The following POLA2 variants were observed in gnomAD, a reference collection of about 807,000 sequenced individuals.
POLA2 encodes the protein DNA polymerase alpha 2, accessory subunit, also known as DNA polymerase alpha subunit B.
Under a neutral mutation model 82.8 loss-of-function variants are expected in POLA2, and 47 were observed. The observed-to-expected ratio is 0.57, with a 90% CI of 0.45 to 0.72. POLA2 has a LOEUF of 0.72. Ranked by LOEUF, POLA2 falls within the 30% of genes least tolerant of loss-of-function variation. The probability of loss-of-function intolerance (pLI) is 0.00; values close to 1 mark genes in which losing one functional copy is unlikely to be tolerated. For missense variants in POLA2, 634 were observed against 728.1 expected (o/e 0.87, Z 1.49); for synonymous variants, 287 against 286.8 (o/e 1.00, Z -0.01).
In POLA2 at chr11:65,264,952, C is replaced by G. The variant is rs184015968; in HGVS notation, c.80-1630C>G. Among the ~76,000 whole-genome samples, 582 of 152,322 alleles carry G rather than the reference C, an allele frequency of 3.8e-3. 4 individuals carry two copies. The highest frequency in any genetic ancestry group is 6.1e-3 in the Non-Finnish European group (414 of 68,028). The stretch of plus-strand genomic sequence containing the variant: ...TACAGCAGACCTCAAAAGGGTCGGC[C>G]GGGTGCGGTGGCTCACGCCTGTAAT... On this transcript the variant is annotated intron_variant, in intron 1 of 17. Coordinates refer to ENST00000265465, the MANE Select transcript of POLA2 (RefSeq NM_002689.4).
chr11:65,289,986 C>T (rs1022745751), intron 13 of POLA2, 114 bp downstream of exon 13: 4 of 660,314 alleles, frequency 6.1e-6, no homozygotes. Flanking sequence ...CAGTGGATCA[C>T]ACCTGTAATC....
chr11:65,292,402 C>T lies in POLA2; in HGVS notation c.1245-1751C>T, dbSNP rs147690116. 1.1e-4 allele frequency among the ~76,000 whole-genome samples: 17 copies of T among 152,322 alleles called. No homozygotes were observed. The East Asian group carries it at 2.7e-3, about 24-fold the overall frequency. The stretch of plus-strand genomic sequence containing the variant: ...TTTTTCTGATCCCTCCTTCTATAGG[C>T]GCTTTCTAACCATGAGCAGGAAGGC... On this transcript the variant is annotated intron_variant, in intron 13 of 17. Coordinates refer to ENST00000265465, the MANE Select transcript of POLA2 (RefSeq NM_002689.4).
intron 4 of POLA2, among the ~76,000 whole-genome samples, chr11:65,269,444 G>A (rs1479406140): frequency 6.7e-6 from 1 of 150,244 alleles, no homozygotes; most frequent in African/African-American, 2.5e-5. Context: ...CCGAGATCGC[G>A]CTACTGCACT....
intron 12 of POLA2, among the ~76,000 whole-genome samples, chr11:65,289,325 T>G (rs188642421): frequency 2.0e-5 from 3 of 152,352 alleles, no homozygotes; most frequent in Admixed American, 2.0e-4. Context: ...CTAATGTTCC[T>G]TTGTTTGTGA....
chr11:65,269,954 C>T (rs1366388934), intron 4 of POLA2, among the ~76,000 whole-genome samples: 4 of 152,186 alleles, frequency 2.6e-5, no homozygotes, highest in Non-Finnish European at 5.9e-5. Flanking sequence ...GCCTCAGCCT[C>T]CTGAGTAGCT....
chr11:65,275,187 C>T (rs1052549938), intron 4 of POLA2, among the ~76,000 whole-genome samples: 1 of 152,062 alleles, frequency 6.6e-6, no homozygotes, highest in Non-Finnish European at 1.5e-5. Context: ...AACTTGCAGC[C>T]AGGAGGAGCC....
At chr11:65,278,964 C>G (rs1374944357) in intron 6 of POLA2, 41 bp downstream of exon 6, 1 of 1,568,496 alleles carries the variant, frequency 6.4e-7, no homozygotes, top group South Asian at 1.1e-5. Flanking sequence ...GATATAAAAC[C>G]ACCTAGAAGG....
chr11:65,268,770 AT>A (rs772150611), intron 4 of POLA2, 41 bp downstream of exon 4: 1 of 1,286,874 alleles, frequency 7.8e-7, no homozygotes, highest in Non-Finnish European at 1.1e-6. Flanking sequence ...TACAAGTAAC[AT>A]TTTAAAATAG....
chr11:65,262,594 A>G (rs1380732923), intron 1 of POLA2, among the ~76,000 whole-genome samples: 1 of 152,066 alleles, frequency 6.6e-6, no homozygotes, highest in Non-Finnish European at 1.5e-5. Context: ...AAAAATAGGA[A>G]TATGCAGCAC....
At chr11:65,295,797 G>A in intron 16 of POLA2, 67 bp from the exon 17 acceptor site, 2 of 1,570,940 alleles carry the variant, frequency 1.3e-6, no homozygotes, top group Non-Finnish European at 1.7e-6. Flanking sequence ...CAGTACCTAG[G>A]GGGACTCTGT....
chr11:65,304,146 G>A (rs774765840), intron 8 of POLA2, among the ~76,000 whole-genome samples: 2 of 151,840 alleles, frequency 1.3e-5, no homozygotes, highest in Non-Finnish European at 2.9e-5. Context: ...TGCTATCCCC[G>A]GCATCCTACC....
chr11:65,287,981 A>G lies in POLA2; in HGVS notation c.1131+141A>G, dbSNP rs561855072. 3.9e-4 allele frequency: 351 copies of G among 910,310 alleles called. 1 individual carries two copies. Among genetic ancestry groups the G allele is most frequent in the Admixed American group, 7.7e-4 (27 of 35,056 alleles). 56.4% of individuals were successfully genotyped at this position (910,310 alleles called of 1,614,324 possible). A position where few individuals can be genotyped will look rare whatever the true frequency, so the allele number is the denominator to read the frequency against. ...TCTTAATCTACATCTTTGGAGAGGT[A>G]TATATATCTATGGGCCTTTGCTAGA... is the stretch of plus-strand genomic sequence containing the variant. On this transcript the variant is annotated intron_variant, in intron 11 of 17. Transcript: ENST00000265465.
chr11:65,294,246 T>G lies in POLA2; in HGVS notation c.1338T>G (p.Ser446=). The G allele has an allele frequency of 6.2e-7, 1 of 1,613,820 alleles. No homozygotes were observed. Among genetic ancestry groups the G allele is most frequent in the Non-Finnish European group, 8.5e-7 (1 of 1,179,756 alleles). Residue 446 remains serine, a synonymous_variant, in exon 14 of 18, where the codon TCT becomes TCG. Coordinates refer to ENST00000265465, the MANE Select transcript of POLA2 (RefSeq NM_002689.4). Reference sequence around the variant, plus strand: ...CGCCTTTCAGCTACTCCGATCTGTCTCGAGAGGACAAAAAGGTAGCAGCAC... The same window carrying G: ...CGCCTTTCAGCTACTCCGATCTGTCGCGAGAGGACAAAAAGGTAGCAGCAC... ...PQPPFSYSDL[S]REDKKQVQFV...
chr11:65,280,905 T>G, intron 7 of POLA2, 87 bp from the exon 8 acceptor site: 1 of 1,305,876 alleles, frequency 7.7e-7, no homozygotes. Flanking sequence ...TGTTTGCAGT[T>G]TGTTTTGCTA....
intron 1 of POLA2, among the ~76,000 whole-genome samples, chr11:65,265,707 G>A (rs1949452594): frequency 6.6e-6 from 1 of 152,062 alleles, no homozygotes; most frequent in Admixed American, 6.5e-5. Flanking sequence ...CAAACTTCTG[G>A]GTTCAAACAG....
chr11:65,286,610 G>A (rs1328148993), intron 10 of POLA2, among the ~76,000 whole-genome samples: 2 of 151,964 alleles, frequency 1.3e-5, no homozygotes, highest in East Asian at 1.9e-4. Context: ...GGCTGGTCTC[G>A]ACCTCCTGAG....
At chr11:65,291,394 C>A (rs1160920574) in intron 13 of POLA2, among the ~76,000 whole-genome samples, 1 of 152,206 alleles carries the variant, frequency 6.6e-6, no homozygotes, top group African/African-American at 2.4e-5. Flanking sequence ...TAAAGAACAT[C>A]CCCCAACTCA....
rs1036909025 is a variant in POLA2, at chr11:65,267,618, A to C, written c.296+50A>C. 3 of 1,226,316 alleles carry C rather than the reference A, an allele frequency of 2.4e-6. No individual in the cohort carries two copies. The Admixed American group carries it at 6.2e-5, about 25-fold the overall frequency. The allele number at this position is 1,226,316 out of a possible 1,614,324, so 76.0% of individuals were successfully genotyped here. A position where few individuals can be genotyped will look rare whatever the true frequency, so the allele number is the denominator to read the frequency against. ...TGCACCAAGCTACATGTTGTATTTT[A>C]TAATTTGTCTGTAGTCGCATGTGTA... On this transcript the variant is annotated intron_variant, in intron 3 of 17. Transcript: ENST00000265465.
intron 4 of POLA2, among the ~76,000 whole-genome samples, chr11:65,272,809 C>G (rs1007726367): frequency 1.3e-5 from 2 of 151,906 alleles, no homozygotes; most frequent in African/African-American, 4.8e-5. Context: ...GTCAGGAGTT[C>G]AAGACCAGCC....
Sources: allele counts gnomAD v4.1 joint callset (sites outside exome capture counted in the v4.1 genomes callset), GRCh38; gene constraint gnomAD v4.1.1; transcripts MANE v1.5; gene names NCBI Gene and HGNC (gene_info 2026-07-23, HGNC 2026-07-21).